PPP2R5E: variants seen among roughly 807,000 people sequenced by gnomAD.
PPP2R5E encodes the protein protein phosphatase 2 regulatory subunit B'epsilon.
A neutral mutation model predicts 65.3 loss-of-function variants in PPP2R5E; 4 were observed. The ratio of observed to expected loss-of-function variants is 0.06; its 90% CI spans 0.03 to 0.14. PPP2R5E has a LOEUF of 0.14. Among genes scored for constraint, PPP2R5E ranks in the 10% least tolerant of loss-of-function variants. The pLI, the probability that PPP2R5E is intolerant of heterozygous loss-of-function variation, is 1.00. For missense variants in PPP2R5E, 274 were observed against 556.1 expected, an observed-to-expected ratio of 0.49 and a Z score of 5.10; for synonymous variants, 183 against 187.4, an observed-to-expected ratio of 0.98 and a Z score of 0.19.
intron 5 of PPP2R5E, among the ~76,000 whole-genome samples, chr14:63,414,826 A>G (rs1321002513): frequency 2.6e-5 from 4 of 152,226 alleles, no homozygotes; most frequent in Non-Finnish European, 2.9e-5. Flanking sequence ...TCTTTAAGCT[A>G]TATAACGATT....
chr14:63,386,213 A>T (rs529620530), intron 11 of PPP2R5E, among the ~76,000 whole-genome samples: 2 of 152,306 alleles, frequency 1.3e-5, no homozygotes, highest in East Asian at 3.9e-4. Flanking sequence ...CCTGAGACTC[A>T]TTAGGCACCA....
At chr14:63,405,619 T>C (rs1886024807) in intron 5 of PPP2R5E, among the ~76,000 whole-genome samples, 1 of 152,208 alleles carries the variant, frequency 6.6e-6, no homozygotes, top group East Asian at 1.9e-4. Context: ...TTTTTCAGAT[T>C]TGCAGAGTAG....
At chr14:63,530,226 GTTT>G (rs555112537) in intron 2 of PPP2R5E, among the ~76,000 whole-genome samples, 13,559 of 98,468 alleles carry the variant, frequency 0.14, 315 homozygotes, top group African/African-American at 0.21. Context: ...AAATTTTTCC[GTTT>G]TTTTTTTTTT....
chr14:63,539,536 C>A lies in PPP2R5E; in HGVS notation c.150G>T (p.Leu50=). Residue 50 remains leucine, a synonymous_variant, in exon 2 of 14, where the codon CTG becomes CTT. Transcript: ENST00000337537. ...GKPIELTPLP[L]LKDVPSSEQP... is the part of the protein sequence containing the mutation. ...CCTGGTCATGAGCCTTACCTTTTAG[C>A]AGCGGCAGAGGTGTTAACTCAATAG... 6.2e-7 allele frequency: 1 copy of A among 1,613,232 alleles called. No individual in the cohort carries two copies. The highest frequency in any genetic ancestry group is 1.1e-5 in the South Asian group (1 of 90,946).
chr14:63,513,728 G>A (rs1178013404), intron 2 of PPP2R5E, among the ~76,000 whole-genome samples: 1 of 152,200 alleles, frequency 6.6e-6, no homozygotes, highest in Non-Finnish European at 1.5e-5. Context: ...GAGCCTGGGT[G>A]TCCATCTGAG....
At chr14:63,498,557 A>C (rs2139658423) in intron 2 of PPP2R5E, among the ~76,000 whole-genome samples, 1 of 151,272 alleles carries the variant, frequency 6.6e-6, no homozygotes, top group East Asian at 1.9e-4. Context: ...AAGTACTTTT[A>C]AGTAATTTTT....
chr14:63,463,058 C>T (rs1308640671), intron 2 of PPP2R5E, among the ~76,000 whole-genome samples: 5 of 144,650 alleles, frequency 3.5e-5, no homozygotes, highest in Non-Finnish European at 7.5e-5. Context: ...GCTGAGATGG[C>T]GCCATTGCAC....
chr14:63,448,369 G>A (rs762741571), intron 3 of PPP2R5E, among the ~76,000 whole-genome samples: 1 of 152,136 alleles, frequency 6.6e-6, no homozygotes, highest in Non-Finnish European at 1.5e-5. Flanking sequence ...CACTATAACA[G>A]ATATAGTAAC....
At chr14:63,517,067 A>T (rs898664601) in intron 2 of PPP2R5E, among the ~76,000 whole-genome samples, 13 of 152,322 alleles carry the variant, frequency 8.5e-5, no homozygotes, top group African/African-American at 3.1e-4. Flanking sequence ...GACTCAAAAA[A>T]TATGTATTAT....
At chr14:63,495,828 A>T (rs1295778118) in intron 2 of PPP2R5E, among the ~76,000 whole-genome samples, 1 of 151,840 alleles carries the variant, frequency 6.6e-6, no homozygotes, top group East Asian at 1.9e-4. Context: ...GTAACTGAGA[A>T]AACAGGCATG....
chr14:63,542,574 G>C (rs766398865), intron 1 of PPP2R5E, among the ~76,000 whole-genome samples: 1 of 152,154 alleles, frequency 6.6e-6, no homozygotes, highest in African/African-American at 2.4e-5. Flanking sequence ...GGGGGAGGGG[G>C]CAGAGTGAAT....
chr14:63,394,961 A>G (rs1285272944), intron 7 of PPP2R5E, among the ~76,000 whole-genome samples: 1 of 152,246 alleles, frequency 6.6e-6, no homozygotes, highest in South Asian at 2.1e-4. Context: ...CCTGACCACA[A>G]TTAGATGTAC....
intron 1 of PPP2R5E, among the ~76,000 whole-genome samples, chr14:63,540,638 A>C (rs912171750): frequency 3.8e-4 from 56 of 146,454 alleles, no homozygotes; most frequent in Non-Finnish European, 7.5e-4. Flanking sequence ...CAGGAGAATC[A>C]CTTGAACCCG....
chr14:63,487,529 G>A (rs775013427), intron 2 of PPP2R5E, among the ~76,000 whole-genome samples: 7 of 152,168 alleles, frequency 4.6e-5, no homozygotes, highest in South Asian at 4.1e-4. Flanking sequence ...CAATGCCAAC[G>A]ATGTAGGCAT....
chr14:63,433,634 T>C (rs1887807077), intron 3 of PPP2R5E, among the ~76,000 whole-genome samples: 1 of 152,192 alleles, frequency 6.6e-6, no homozygotes, highest in African/African-American at 2.4e-5. Context: ...CTGTGCGTAA[T>C]GTCCCCAAGT....
At chr14:63,400,648 C>G (rs7156973) in intron 5 of PPP2R5E, among the ~76,000 whole-genome samples, 18,365 of 126,394 alleles carry the variant, frequency 0.15, 3,855 homozygotes, top group African/African-American at 0.46. Context: ...TAATACATTT[C>G]CACAGGAAAA....
At chr14:63,540,162 G>A (rs2139779035) in intron 1 of PPP2R5E, among the ~76,000 whole-genome samples, 1 of 150,950 alleles carries the variant, frequency 6.6e-6, no homozygotes, top group African/African-American at 2.4e-5. Flanking sequence ...TGGGCCCGGT[G>A]GCTCACACCT....
chr14:63,481,200 G>C (rs1043014611), intron 2 of PPP2R5E, among the ~76,000 whole-genome samples: 12 of 151,964 alleles, frequency 7.9e-5, no homozygotes, highest in African/African-American at 2.9e-4. Context: ...AAAAAGAAAA[G>C]TATGAAATAG....
Position 63,396,792 on chromosome 14 carries a change from C to A in PPP2R5E, c.550-76G>T. On this transcript the variant is annotated intron_variant, in intron 5 of 13. Coordinates refer to ENST00000337537, the MANE Select transcript of PPP2R5E (RefSeq NM_006246.5). ...ATTTAGGAATTCTATTATTTAAAATCCCCTTCTTCCTTCCTCAAAAAATGT... is the reference window on the plus strand; with the variant it reads ...ATTTAGGAATTCTATTATTTAAAATACCCTTCTTCCTTCCTCAAAAAATGT... 2.0e-6 allele frequency: 3 copies of A among 1,538,218 alleles called. No homozygotes were observed. The South Asian group carries it at 3.6e-5, about 19-fold the overall frequency.
Sources: gnomAD v4.1 joint callset for allele counts (sites outside exome capture counted in the v4.1 genomes callset) on GRCh38, gnomAD v4.1.1 for gene constraint, MANE v1.5 for transcripts, NCBI Gene and HGNC (gene_info 2026-07-23, HGNC 2026-07-21) for gene names.